SMIM18: variants seen among roughly 807,000 people sequenced by gnomAD.
The protein encoded by SMIM18 is small integral membrane protein 18.
SMIM18 carries 4 observed loss-of-function variants against 5.9 expected under a neutral mutation model. The observed-to-expected ratio is 0.68, with a 90% confidence interval of 0.33 to 1.56. The LOEUF is 1.56. SMIM18 is among the 40% of genes most tolerant of loss of function. SMIM18 has a pLI of 0.06. For missense variants in SMIM18, 89 were observed against 109.7 expected (o/e 0.81, Z 0.84); for synonymous variants, 37 against 37.4 (o/e 0.99, Z 0.04).
At chr8:30,643,307 G>A (rs762344089) in intron 1 of SMIM18, among the ~76,000 whole-genome samples, 6 of 152,132 alleles carry the variant, frequency 3.9e-5, no homozygotes, top group Non-Finnish European at 7.3e-5. Flanking sequence ...CCAATGGGGT[G>A]GAAGCAAACA....
intron 1 of SMIM18, among the ~76,000 whole-genome samples, chr8:30,643,246 T>C (rs1008264159): frequency 2.0e-5 from 3 of 152,180 alleles, no homozygotes; most frequent in African/African-American, 4.8e-5. Flanking sequence ...TTGGGAGATA[T>C]ATATTGAAAT....
chr8:30,639,875 C>T (rs1801753000), intron 1 of SMIM18, among the ~76,000 whole-genome samples: 1 of 151,952 alleles, frequency 6.6e-6, no homozygotes, highest in South Asian at 2.1e-4. Context: ...GATACTAGAT[C>T]TGTCCAGGTT....
intron 1 of SMIM18, among the ~76,000 whole-genome samples, chr8:30,640,903 C>T (rs1184703930): frequency 6.6e-6 from 1 of 152,180 alleles, no homozygotes; most frequent in East Asian, 1.9e-4. Flanking sequence ...CGGAGTTTCG[C>T]CATGTTGGTC....
intron 1 of SMIM18, among the ~76,000 whole-genome samples, chr8:30,642,955 T>C (rs978741111): frequency 2.0e-5 from 3 of 152,216 alleles, no homozygotes; most frequent in South Asian, 4.1e-4. Context: ...AGATGAGATA[T>C]CTCTTTTTTG....
intron 1 of SMIM18, among the ~76,000 whole-genome samples, chr8:30,638,933 T>A (rs1801708316): frequency 6.6e-6 from 1 of 152,206 alleles, no homozygotes; most frequent in Non-Finnish European, 1.5e-5. Context: ...TTTAACTGGT[T>A]ACTTGCTAAT....
chr8:30,644,385 C>T (rs1350464224), intron 1 of SMIM18, 107 bp from the exon 2 acceptor site: 2 of 152,098 alleles, frequency 1.3e-5, no homozygotes, highest in African/African-American at 4.8e-5. Flanking sequence ...TCATTTATAA[C>T]CCCAAGATTA....
In SMIM18 at chr8:30,645,370, G is replaced by C. The variant is rs1282926303; in HGVS notation, c.61G>C (p.Val21Leu). The change falls in exon 3 of 3, where the codon GTT becomes CTT. Residue 21 changes from valine to leucine, a missense_variant. Physicochemically the swap from Val to Leu is conservative, Grantham distance 32. Coordinates refer to ENST00000517349, the MANE Select transcript of SMIM18 (RefSeq NM_001206847.2). ...TGTTTATCAGTACCTTGGTTTTCAAGTTCAAAAAATTTACCCTTTCCATGA... is the reference window on the plus strand; with the variant it reads ...TGTTTATCAGTACCTTGGTTTTCAACTTCAAAAAATTTACCCTTTCCATGA... ...TSVYQYLGFQVQKIYPFHDNW... is the reference protein window; with the variant it reads ...TSVYQYLGFQLQKIYPFHDNW... The C allele has an allele frequency of 2.0e-6, 3 of 1,535,530 alleles. No homozygotes were observed. Among genetic ancestry groups the C allele is most frequent in the East Asian group, 4.9e-5 (2 of 40,914 alleles).
intron 1 of SMIM18, among the ~76,000 whole-genome samples, chr8:30,642,844 T>C (rs1801899756): frequency 1.3e-5 from 2 of 152,248 alleles, no homozygotes; most frequent in Non-Finnish European, 1.5e-5. Context: ...TAACTGAATT[T>C]AGTTATGTAT....
chr8:30,645,595 T>C lies in SMIM18; in HGVS notation c.286T>C (p.Ter96GlnextTer10). The change falls in exon 3 of 3, where the codon TAA becomes CAA. Residue 96 changes from the stop codon to glutamine, a stop_lost. Transcript: ENST00000517349. ...CAGAAAACGTGAAACTGAAGTGGTC[T>C]AACACTCTATAGAAGATGAACAAAA... is the stretch of plus-strand genomic sequence containing the variant. ...NIRKRETEVV[*>Q] is the part of the protein sequence containing the mutation. The C allele has an allele frequency of 6.5e-7, 1 of 1,535,004 alleles. No individual in the cohort carries two copies. The highest frequency in any genetic ancestry group is 8.7e-7 in the Non-Finnish European group (1 of 1,146,632).
chr8:30,641,229 AATC>A (rs1182066808), intron 1 of SMIM18, among the ~76,000 whole-genome samples: 2 of 152,152 alleles, frequency 1.3e-5, no homozygotes, highest in African/African-American at 4.8e-5. Context: ...TCACAAGACA[AATC>A]ATCATCATTT....
chr8:30,639,404 C>T (rs1303521315), intron 1 of SMIM18, among the ~76,000 whole-genome samples: 1 of 152,106 alleles, frequency 6.6e-6, no homozygotes. Context: ...ATCAATTTAT[C>T]ACACCATTTA....
chr8:30,640,096 T>C (rs1338279796), intron 1 of SMIM18, among the ~76,000 whole-genome samples: 1 of 152,228 alleles, frequency 6.6e-6, no homozygotes, highest in African/African-American at 2.4e-5. Flanking sequence ...GCTTGGAATA[T>C]GTCTATTGTT....
chr8:30,645,798 A>C lies in SMIM18; in HGVS notation c.*201A>C, dbSNP rs1326463284. 1 of 548,218 alleles carries C rather than the reference A, an allele frequency of 1.8e-6. No homozygotes were observed. The highest frequency in any genetic ancestry group is 2.9e-5 in the East Asian group (1 of 34,274). 34.0% of individuals were successfully genotyped at this position (548,218 alleles called of 1,614,324 possible). On this transcript the variant is annotated 3_prime_UTR_variant, in exon 3 of 3. Transcript: ENST00000517349. Reference sequence around the variant, plus strand: ...ATTAAATATACAGTAAAACTTCATGAATGTGAATTTACTAATCTGTTTAAT... The same window carrying C: ...ATTAAATATACAGTAAAACTTCATGCATGTGAATTTACTAATCTGTTTAAT...
At chr8:30,641,204 C>T (rs1020595495) in intron 1 of SMIM18, among the ~76,000 whole-genome samples, 3 of 152,088 alleles carry the variant, frequency 2.0e-5, no homozygotes, top group African/African-American at 4.8e-5. Context: ...TTGAGCCGCT[C>T]GGTTATCAAT....
chr8:30,643,720 C>T (rs1341175882), intron 1 of SMIM18: 1 of 149,464 alleles, frequency 6.7e-6, no homozygotes, highest in African/African-American at 2.5e-5. Flanking sequence ...TCATACAAAT[C>T]TCTCACCTTT....
At chr8:30,642,331 TTACTCCATAC>T (rs1179626346) in intron 1 of SMIM18, among the ~76,000 whole-genome samples, 76 of 149,344 alleles carry the variant, frequency 5.1e-4, no homozygotes, top group African/African-American at 1.8e-3. Flanking sequence ...AAAAGAATGG[TTACTCCATAC>T]TACTCCATAA....
At chr8:30,644,750 AT>A (rs5890531) in intron 2 of SMIM18, among the ~76,000 whole-genome samples, 178 bp downstream of exon 2, 74,979 of 141,292 alleles carry the variant, frequency 0.53, 19,050 homozygotes, top group East Asian at 0.66. Flanking sequence ...CGGTATATGA[AT>A]TTTTTTTTTT....
intron 2 of SMIM18, 94 bp from the exon 3 acceptor site, chr8:30,645,187 G>A (rs1039409658): frequency 6.5e-6 from 7 of 1,072,020 alleles, no homozygotes; most frequent in Non-Finnish European, 7.8e-6. Context: ...GATTCATGTT[G>A]CCTATACAAA....
intron 1 of SMIM18, among the ~76,000 whole-genome samples, chr8:30,638,881 C>T (rs1801705499): frequency 6.6e-6 from 1 of 152,172 alleles, no homozygotes. Context: ...TTACATGAAC[C>T]TGATCTATAT....
Sources: gnomAD v4.1 joint callset for allele counts (sites outside exome capture counted in the v4.1 genomes callset) on GRCh38, gnomAD v4.1.1 for gene constraint, MANE v1.5 for transcripts, NCBI Gene and HGNC (gene_info 2026-07-23, HGNC 2026-07-21) for gene names.